The following LZTFL1 variants were observed in gnomAD, a reference collection of about 807,000 sequenced individuals.
LZTFL1 encodes the protein leucine zipper transcription factor like 1.
Under a neutral mutation model 45.9 loss-of-function variants are expected in LZTFL1, and 25 were observed. That is an observed-to-expected ratio of 0.54 (90% CI 0.40 to 0.76). The LOEUF is 0.76. Ranked by LOEUF, LZTFL1 falls within the 30% of genes least tolerant of loss-of-function variation. The pLI is 0.00. For synonymous variants in LZTFL1, 93 were observed against 117.4 expected (o/e 0.79, Z 1.35); for missense variants, 277 against 331.1 (o/e 0.84, Z 1.27).
chr3:45,831,668 T>C (rs1444199965), intron 5 of LZTFL1, among the ~76,000 whole-genome samples: 1 of 152,232 alleles, frequency 6.6e-6, no homozygotes, highest in East Asian at 1.9e-4. Flanking sequence ...CAGAGGGCAC[T>C]GCACTCTGTT....
At chr3:45,855,691 G>A (rs1701381107) in intron 3 of LZTFL1, among the ~76,000 whole-genome samples, 2 of 152,132 alleles carry the variant, frequency 1.3e-5, no homozygotes, top group African/African-American at 4.8e-5. Context: ...AAGCTGATAA[G>A]CAACTTCAGC....
At chr3:45,897,381 G>A (rs1370920587) in intron 2 of LZTFL1, among the ~76,000 whole-genome samples, 4 of 152,174 alleles carry the variant, frequency 2.6e-5, no homozygotes, top group Non-Finnish European at 4.4e-5. Flanking sequence ...AAAAGCACGA[G>A]GTCCTTAATT....
chr3:45,860,507 C>A (rs1328078857), intron 2 of LZTFL1, among the ~76,000 whole-genome samples: 1 of 151,756 alleles, frequency 6.6e-6, no homozygotes, highest in Non-Finnish European at 1.5e-5. Context: ...AGTAGTAACA[C>A]CAGCAAATGT....
rs1485854913 is a variant in LZTFL1 at position 45,901,250 on chromosome 3, A to C, written c.-215+11870T>G. On this transcript the variant is annotated intron_variant, in intron 2 of 4. Coordinates refer to the LZTFL1 transcript ENST00000472635. This position sits in a 1 kb window ranked among gnomAD's most constrained non-coding sequence, Gnocchi z 4.3. ...TTGCCATTGCCCAGGCCATGAGAGCACATACTTGGAGGGAGAAAAGGCTTT... is the reference window on the plus strand; with the variant it reads ...TTGCCATTGCCCAGGCCATGAGAGCCCATACTTGGAGGGAGAAAAGGCTTT... 22 of 1,614,120 alleles carry C rather than the reference A, an allele frequency of 1.4e-5. No homozygotes were observed. Among genetic ancestry groups the C allele is most frequent in the Non-Finnish European group, 1.8e-5 (21 of 1,180,056 alleles).
intron 4 of LZTFL1, 74 bp from the exon 5 acceptor site, chr3:45,833,195 T>G: frequency 1.0e-6 from 1 of 1,003,030 alleles, no homozygotes; most frequent in Non-Finnish European, 1.6e-6. Context: ...CACTTGCACT[T>G]TGCAAGTGGA....
chr3:45,905,169 G>T (rs2125767968), intron 2 of LZTFL1, among the ~76,000 whole-genome samples: 2 of 152,280 alleles, frequency 1.3e-5, no homozygotes, highest in South Asian at 4.1e-4. Context: ...CACTGTGTGT[G>T]GTTAGTAAGT....
intron 2 of LZTFL1, among the ~76,000 whole-genome samples, chr3:45,911,738 G>A (rs929479820): frequency 2.0e-5 from 3 of 152,228 alleles, no homozygotes; most frequent in African/African-American, 4.8e-5. Context: ...GCTTTATGCC[G>A]TTCAGCTTTG....
At chr3:45,881,954 T>A (rs1403647696) in intron 2 of LZTFL1, among the ~76,000 whole-genome samples, 1 of 152,268 alleles carries the variant, frequency 6.6e-6, no homozygotes, top group African/African-American at 2.4e-5. Context: ...TGTTTACATT[T>A]CCATTTAAGC....
At chr3:45,840,139 C>T (rs1320431261) in intron 1 of LZTFL1, among the ~76,000 whole-genome samples, 1 of 152,128 alleles carries the variant, frequency 6.6e-6, no homozygotes, top group Admixed American at 6.5e-5. Flanking sequence ...TCCTTTCCCT[C>T]CTTTCAAGGA....
intron 2 of LZTFL1, among the ~76,000 whole-genome samples, chr3:45,910,550 C>T (rs1472360850): frequency 6.6e-6 from 1 of 152,062 alleles, no homozygotes; most frequent in Non-Finnish European, 1.5e-5. Context: ...TCCCAGGCAT[C>T]AACAAGGCAG....
chr3:45,884,778 A>T (rs572704346), intron 2 of LZTFL1, among the ~76,000 whole-genome samples: 1 of 152,342 alleles, frequency 6.6e-6, no homozygotes, highest in African/African-American at 2.4e-5. Flanking sequence ...GACGCAATCA[A>T]ACACGGGGGA....
chr3:45,868,838 C>T (rs1447148769), intron 2 of LZTFL1, among the ~76,000 whole-genome samples: 1 of 152,186 alleles, frequency 6.6e-6, no homozygotes, highest in African/African-American at 2.4e-5. Flanking sequence ...CAGGCCTTCT[C>T]CCCACACCTC....
At chr3:45,911,197 G>A (rs958544864) in intron 2 of LZTFL1, among the ~76,000 whole-genome samples, 3 of 152,298 alleles carry the variant, frequency 2.0e-5, no homozygotes, top group South Asian at 2.1e-4. Flanking sequence ...CAAGGGACTC[G>A]AGACTCCACC....
Position 45,826,285 on chromosome 3 carries a change from G to C in LZTFL1, c.*29C>G, listed in dbSNP as rs1251374078. 6.2e-7 allele frequency: 1 copy of C among 1,607,228 alleles called. No individual in the cohort carries two copies. The highest frequency in any genetic ancestry group is 8.5e-7 in the Non-Finnish European group (1 of 1,174,078). ...GGTGAGACTGCTTGTATGTTTGCAT[G>C]TGGTAGCTTCCAGAGGAAATCTTCA... On this transcript the variant is annotated 3_prime_UTR_variant, in exon 10 of 10. Coordinates refer to ENST00000296135, the MANE Select transcript of LZTFL1 (RefSeq NM_020347.4).
chr3:45,896,812 C>T (rs1225845024), intron 2 of LZTFL1, among the ~76,000 whole-genome samples: 1 of 152,260 alleles, frequency 6.6e-6, no homozygotes, highest in Non-Finnish European at 1.5e-5. Flanking sequence ...CCCCCATTGC[C>T]TTGTGCCCAT....
chr3:45,859,340 C>T lies in LZTFL1; in HGVS notation c.-214-324G>A, dbSNP rs137999827. On this transcript the variant is annotated intron_variant, in intron 2 of 4. Coordinates refer to the LZTFL1 transcript ENST00000472635. ...TCCTGGCCTCAAGTGATCCTCCTGC[C>T]GCACCCTCCCAAGTAGCTGGGACTA... Among the ~76,000 whole-genome samples, 1,433 of 152,278 alleles carry T rather than the reference C, an allele frequency of 9.4e-3. 27 individuals are homozygous for T. Among genetic ancestry groups the T allele is most frequent in the African/African-American group, 0.032 (1,344 of 41,548 alleles).
intron 2 of LZTFL1, among the ~76,000 whole-genome samples, chr3:45,880,493 C>T (rs1411051264): frequency 6.6e-6 from 1 of 152,070 alleles, no homozygotes; most frequent in Non-Finnish European, 1.5e-5. Flanking sequence ...CAGAGCAAGA[C>T]TCCATCTCAA....
chr3:45,883,811 A>T, intron 2 of LZTFL1: 1 of 535,350 alleles, frequency 1.9e-6, no homozygotes, highest in South Asian at 2.8e-5. Flanking sequence ...AAGACCATGA[A>T]GAGTGAGAGT....
At chr3:45,875,109 C>A (rs1228061286) in intron 2 of LZTFL1, among the ~76,000 whole-genome samples, 1 of 152,200 alleles carries the variant, frequency 6.6e-6, no homozygotes. Context: ...TATTCTGCAG[C>A]AATAGCTTAC....
Sources: gnomAD v4.1 joint callset for allele counts (sites outside exome capture counted in the v4.1 genomes callset) on GRCh38, gnomAD v4.1.1 for gene constraint, Gnocchi (gnomAD v3.1) non-coding constraint, MANE v1.5 for transcripts, NCBI Gene and HGNC (gene_info 2026-07-23, HGNC 2026-07-21) for gene names.